Variants in INTS11 observed in about 807,000 individuals in gnomAD.
INTS11 encodes the protein CPSF3-like protein.
INTS11 carries 77 observed loss-of-function variants against 78.6 expected under a neutral mutation model. That is an observed-to-expected ratio of 0.98 (90% confidence interval 0.81 to 1.18). The LOEUF (loss-of-function observed/expected upper bound fraction) is 1.18. INTS11 is among the 50% of genes most tolerant of loss of function. The probability of loss-of-function intolerance (pLI) is 0.00; values close to 1 mark genes in which losing one functional copy is unlikely to be tolerated. For missense variants in INTS11, 875 were observed against 825.9 expected (o/e 1.06, Z -0.73); for synonymous variants, 441 against 326.9 (o/e 1.35, Z -3.77).
chr1:1,317,379 G>A (rs2100604497), intron 4 of INTS11: 1 of 652,174 alleles, frequency 1.5e-6, no homozygotes, highest in Non-Finnish European at 1.9e-6. Context: ...TGGGCAATGA[G>A]AGCGAAACTC....
At chr1:1,321,898 T>TTGC in intron 1 of INTS11, 13 of 1,141,930 alleles carry the variant, frequency 1.1e-5, no homozygotes, top group South Asian at 2.1e-5. Flanking sequence ...TCCCCTTGAA[T>TTGC]CCCACCCACC....
At position 1,314,946 on chromosome 1, in the gene INTS11, T is replaced by G. The variant is rs1466817681; in HGVS notation, c.580A>C (p.Lys194Gln). 6.2e-7 allele frequency: 1 copy of G among 1,612,530 alleles called. No individual in the cohort carries two copies. The highest frequency in any genetic ancestry group is 1.7e-5 in the Admixed American group (1 of 60,000). ...GTGATGAGCAGGTTGGGGCGGCACT[T>G]GTCAATCCAGGCAGCTCTGGAACAC... is the stretch of plus-strand genomic sequence containing the variant. ...DRHLGAAWID[K>Q]CRPNLLITES... Residue 194 changes from lysine (K) to glutamine (Q), a missense_variant, in exon 7 of 17, where the codon AAG becomes CAG. Transcript: ENST00000435064. This position sits in a 1 kb window ranked among gnomAD's most constrained non-coding sequence, Gnocchi z 4.2.
chr1:1,320,628 A>G (rs1642889035), intron 2 of INTS11, 99 bp from the exon 3 acceptor site: 1 of 1,182,124 alleles, frequency 8.5e-7, no homozygotes, highest in Non-Finnish European at 1.3e-6. Flanking sequence ...GGGGGGTTCT[A>G]TGTGCAGACT....
chr1:1,321,343 C>T (rs1380570934), intron 1 of INTS11, among the ~76,000 whole-genome samples: 1 of 152,228 alleles, frequency 6.6e-6, no homozygotes, highest in African/African-American at 2.4e-5. Context: ...CCCCTGGCCT[C>T]TTAAGGTGGC....
At chr1:1,312,199 G>GGGAGA in intron 15 of INTS11, 27 bp downstream of exon 15, 1 of 1,075,098 alleles carries the variant, frequency 9.3e-7, no homozygotes, top group Non-Finnish European at 1.2e-6. Flanking sequence ...CCAAGGGAGT[G>GGGAGA]GGGGGGGGGC....
chr1:1,324,506 G>T (rs995532222), intron 1 of INTS11, 75 bp downstream of exon 1: 2 of 1,452,684 alleles, frequency 1.4e-6, no homozygotes, highest in African/African-American at 2.9e-5. Flanking sequence ...AGAAACGGGA[G>T]GGAGCGGGGC....
intron 10 of INTS11, 107 bp from the exon 11 acceptor site, chr1:1,313,231 A>G (rs1642349768): frequency 7.7e-7 from 1 of 1,304,054 alleles, no homozygotes; most frequent in Admixed American, 2.0e-5. Flanking sequence ...TCCACCTGCC[A>G]GCGGCGCCCG....
Position 1,324,591 on chromosome 1 carries a change from G to T in INTS11, c.18C>A (p.Val6=). MPEIR[V]TPLGAGQDVG... The stretch of plus-strand genomic sequence containing the variant: ...GCGGCTCCCACTCACCCAAGGGCGT[G>T]ACTCTGATCTCAGGCATCGTCTCCG... The change falls in exon 1 of 17, where the codon GTC becomes GTA. Residue 6 remains valine (V), a synonymous_variant. Transcript: ENST00000435064. 1 of 1,596,622 alleles carries T rather than the reference G, an allele frequency of 6.3e-7. No homozygotes were observed. Among genetic ancestry groups the T allele is most frequent in the South Asian group, 1.1e-5 (1 of 89,062 alleles).
Position 1,322,938 on chromosome 1 carries a change from T to C in INTS11, c.28+1643A>G, listed in dbSNP as rs1569575916. The stretch of plus-strand genomic sequence containing the variant: ...AATATACCCAGGTACAGATTGCGGG[T>C]AATTGAAGCCACATGAAAGATCAGA... On this transcript the variant is annotated intron_variant, in intron 1 of 16. Coordinates refer to ENST00000435064, the MANE Select transcript of INTS11 (RefSeq NM_017871.6). The C allele has an allele frequency of 3.7e-6, 5 of 1,350,008 alleles. No homozygotes were observed. The East Asian group carries it at 1.4e-4, about 37-fold the overall frequency. The allele number at this position is 1,350,008 out of a possible 1,614,324, so 83.6% of individuals were successfully genotyped here.
Position 1,312,856 on chromosome 1 carries a change from T to A in INTS11, c.1225A>T (p.Ser409Cys), listed in dbSNP as rs150088003. ...GCCTCGCCATGCACCAGCAGCACGC[T>A]CTCCGGCTCTGCCTGGCCCACCAGC... ...MQLVGQAEPESVLLVHGEAKK... is the reference protein window; with the variant it reads ...MQLVGQAEPECVLLVHGEAKK... The change falls in exon 12 of 17, where the codon AGC becomes TGC. Residue 409 changes from serine to cysteine, a missense_variant. Coordinates refer to ENST00000435064, the MANE Select transcript of INTS11 (RefSeq NM_017871.6). 5.6e-6 allele frequency: 9 copies of A among 1,612,134 alleles called. No homozygotes were observed. The African/African-American group carries it at 1.2e-4, about 22-fold the overall frequency.
chr1:1,322,578 T>G (rs990523329), intron 1 of INTS11, among the ~76,000 whole-genome samples: 110 of 9,172 alleles, frequency 0.012, no homozygotes, highest in South Asian at 0.031. Context: ...AGGGACGGGG[T>G]GGGGAAGGGA....
In INTS11 at chr1:1,313,092, G is replaced by C. The variant is rs751228573; in HGVS notation, c.1074C>G (p.Thr358=). The change falls in exon 11 of 17, where the codon ACC becomes ACG. Residue 358 remains threonine, a synonymous_variant. Coordinates refer to ENST00000435064, the MANE Select transcript of INTS11 (RefSeq NM_017871.6). ...VIMPGYCVQG[T]VGHKILSGQR... is the part of the protein sequence containing the mutation. ...GCCCGCTGAGGATCTTGTGGCCGAC[G>C]GTGCCCTGCACGCAGTAGCCGGGCA... is the stretch of plus-strand genomic sequence containing the variant. The C allele has an allele frequency of 1.2e-6, 2 of 1,608,964 alleles. No individual in the cohort carries two copies. The highest frequency in any genetic ancestry group is 1.7e-6 in the Non-Finnish European group (2 of 1,179,810).
intron 1 of INTS11, among the ~76,000 whole-genome samples, chr1:1,324,043 GGGGGCTGGGGGGCTGAGGGACTGA>G (rs1643148314): frequency 2.4e-5 from 1 of 42,152 alleles, no homozygotes; most frequent in Non-Finnish European, 4.9e-5. Flanking sequence ...TGGAGCGCTG[GGGGGCTGGGGGGCTGAGGGACTGA>G]GGGGCTGAGG....
chr1:1,315,527 A>G lies in INTS11; in HGVS notation c.521T>C (p.Val174Ala). 6.2e-7 allele frequency: 1 copy of G among 1,612,416 alleles called. No homozygotes were observed. The highest frequency in any genetic ancestry group is 1.1e-5 in the South Asian group (1 of 90,972). ...TCAAGCCCTTCCACTGACCGTGTAGACCACAGACTCTGAGCCCACTTTAAT... is the reference window on the plus strand; with the variant it reads ...TCAAGCCCTTCCACTGACCGTGTAGGCCACAGACTCTGAGCCCACTTTAAT... ...FQIKVGSESV[V>A]YTGDYNMTPD... Residue 174 changes from valine to alanine, a missense_variant, in exon 5 of 17, where the codon GTC becomes GCC. Val to Ala is a moderately conservative substitution (Grantham distance 64). Coordinates refer to ENST00000435064, the MANE Select transcript of INTS11 (RefSeq NM_017871.6).
At chr1:1,321,179 G>A in intron 1 of INTS11, 86 bp from the exon 2 acceptor site, 2 of 1,036,850 alleles carry the variant, frequency 1.9e-6, no homozygotes, top group Non-Finnish European at 2.9e-6. Context: ...CCAGTGCACT[G>A]AGGAAACCGG....
intron 3 of INTS11, 114 bp downstream of exon 3, chr1:1,320,342 C>G (rs1206627150): frequency 3.1e-6 from 3 of 963,720 alleles, no homozygotes; most frequent in Non-Finnish European, 3.3e-6. Context: ...TAGAAGCCCC[C>G]TGAGGATCAA....
Position 1,313,868 on chromosome 1 carries a change from T to G in INTS11, c.821A>C (p.Lys274Thr), listed in dbSNP as rs1015679150. ...PIYFSTGLTE[K>T]ANHYYKLFIP... ...GAACAGCTTGTAGTAGTGGTTGGCC[T>G]TCTCGGTCAGCCCCGTGGAGAAGTA... Residue 274 changes from lysine (K) to threonine (T), a missense_variant, in exon 9 of 17, where the codon AAG becomes ACG. Lys to Thr is a moderately conservative substitution (Grantham distance 78). Transcript: ENST00000435064. 6.8e-6 allele frequency: 11 copies of G among 1,613,260 alleles called. No homozygotes were observed. The highest frequency in any genetic ancestry group is 8.5e-6 in the Non-Finnish European group (10 of 1,179,960).
intron 1 of INTS11, among the ~76,000 whole-genome samples, chr1:1,324,231 G>A (rs1428313492): frequency 1.3e-5 from 2 of 151,710 alleles, no homozygotes; most frequent in Non-Finnish European, 2.9e-5. Context: ...GGGCTGAGGG[G>A]CTAAGGGACT....
intron 1 of INTS11, chr1:1,323,132 GCA>G (rs757391716): frequency 2.0e-5 from 31 of 1,547,684 alleles, no homozygotes; most frequent in Non-Finnish European, 1.6e-5. Flanking sequence ...GGTGTTCACA[GCA>G]CAGTGTCCAC....
Sources: gnomAD v4.1 joint callset for allele counts (sites outside exome capture counted in the v4.1 genomes callset) on GRCh38, gnomAD v4.1.1 for gene constraint, Gnocchi (gnomAD v3.1) non-coding constraint, MANE v1.5 for transcripts, NCBI Gene and HGNC (gene_info 2026-07-23, HGNC 2026-07-21) for gene names.